Variants in SLC38A10 observed in about 807,000 individuals in gnomAD.
SLC38A10 encodes Sodium-coupled neutral amino acid transporter 10.
A neutral mutation model predicts 81.0 loss-of-function variants in SLC38A10; 53 were observed. The ratio of observed to expected loss-of-function variants is 0.65; its 90% CI spans 0.53 to 0.82. The LOEUF (loss-of-function observed/expected upper bound fraction) is 0.82, where lower values mean the gene tolerates loss of function less well. Among genes scored for constraint, SLC38A10 ranks in the 40% least tolerant of loss-of-function variants. The probability of loss-of-function intolerance (pLI) is 0.00; values close to 1 mark genes in which losing one functional copy is unlikely to be tolerated. For synonymous variants in SLC38A10, 665 were observed against 655.3 expected (o/e 1.01, Z -0.23); for missense variants, 1,471 against 1,545.0 (o/e 0.95, Z 0.80).
In SLC38A10 at chr17:81,253,342, T is replaced by G. The variant is rs2062938039; in HGVS notation, c.1289-102A>C. 7.2e-7 allele frequency: 1 copy of G among 1,392,974 alleles called. No individual in the cohort carries two copies. The highest frequency in any genetic ancestry group is 1.4e-5 in the African/African-American group (1 of 69,110). The allele number at this position is 1,392,974 out of a possible 1,614,324, so 86.3% of individuals were successfully genotyped here. A position where few individuals can be genotyped will look rare whatever the true frequency, so the allele number is the denominator to read the frequency against. ...CATATTTTCCAGCCAAATGGCAGAG[T>G]CAAAGCAGTTTCTTTTTCCTGTTCG... On this transcript the variant is annotated intron_variant, in intron 11 of 15. Transcript: ENST00000374759. This position sits in a 1 kb window ranked among gnomAD's most constrained non-coding sequence, Gnocchi z 4.1.
chr17:81,248,832 T>C (rs562491690), intron 14 of SLC38A10, among the ~76,000 whole-genome samples: 264 of 152,196 alleles, frequency 1.7e-3, no homozygotes, highest in Middle Eastern at 6.8e-3. Flanking sequence ...TCCAAGGAGA[T>C]CAGGGCCATG....
chr17:81,250,129 C>G (rs750903945), intron 14 of SLC38A10: 1 of 1,282,812 alleles, frequency 7.8e-7, no homozygotes, highest in South Asian at 1.3e-5. Context: ...GGAAGAAAGG[C>G]AGAATAGGAA....
chr17:81,266,632 A>G (rs1483710241), intron 10 of SLC38A10, among the ~76,000 whole-genome samples: 3 of 150,854 alleles, frequency 2.0e-5, no homozygotes, highest in Non-Finnish European at 4.4e-5. Context: ...AAAAAAAAAA[A>G]GAAAAAGAAA....
Position 81,294,974 on chromosome 17 carries a change from G to A in SLC38A10, c.-53C>T. 2 of 1,522,404 alleles carry A rather than the reference G, an allele frequency of 1.3e-6. No individual in the cohort carries two copies. The highest frequency in any genetic ancestry group is 1.8e-6 in the Non-Finnish European group (2 of 1,136,912). The allele number at this position is 1,522,404 out of a possible 1,614,324, so 94.3% of individuals were successfully genotyped here. A position where few individuals can be genotyped will look rare whatever the true frequency, so the allele number is the denominator to read the frequency against. ...GAGGCCTCGGGGGTCGCCGGGCTGC[G>A]GCCGGCTTTGGAAGCCCAGCCCGAG... On this transcript the variant is annotated 5_prime_UTR_variant, in exon 1 of 16. Coordinates refer to ENST00000374759, the MANE Select transcript of SLC38A10 (RefSeq NM_001037984.3).
In SLC38A10 at chr17:81,265,801, G is replaced by A. The variant is rs1030432409; in HGVS notation, c.1131+5117C>T. On this transcript the variant is annotated intron_variant, in intron 10 of 15. Coordinates refer to ENST00000374759, the MANE Select transcript of SLC38A10 (RefSeq NM_001037984.3). This position sits in a 1 kb window ranked among gnomAD's most constrained non-coding sequence, Gnocchi z 4.2. ...CCTAAGGAAACAGGGCATGCTGAGC[G>A]GATGGCACACGGTGGTCCGCTGGCC... Among the ~76,000 whole-genome samples the A allele has an allele frequency of 4.6e-5, 7 of 152,248 alleles. No homozygotes were observed. The highest frequency in any genetic ancestry group is 3.8e-4 in the East Asian group (2 of 5,202).
chr17:81,251,053 C>A (rs2062905787), intron 14 of SLC38A10: 1 of 1,442,322 alleles, frequency 6.9e-7, no homozygotes, highest in African/African-American at 1.4e-5. Context: ...CACCCCCAAA[C>A]TGGGTCCCCT....
intron 10 of SLC38A10, among the ~76,000 whole-genome samples, chr17:81,261,499 G>A (rs1598388437): frequency 6.6e-6 from 1 of 152,222 alleles, no homozygotes; most frequent in African/African-American, 2.4e-5. Context: ...AAGGTATGTC[G>A]ATTCTTAAAG....
At chr17:81,287,784 C>A (rs957926980) in intron 2 of SLC38A10, among the ~76,000 whole-genome samples, 9 of 152,222 alleles carry the variant, frequency 5.9e-5, no homozygotes, top group Admixed American at 4.6e-4. Context: ...AATGAATAGA[C>A]AGCTGGCTAT....
rs988831473 is a variant in SLC38A10 at position 81,283,279 on chromosome 17, G to A, written c.357+130C>T. 2.3e-5 allele frequency: 18 copies of A among 795,206 alleles called. No homozygotes were observed. Among genetic ancestry groups the A allele is most frequent in the Non-Finnish European group, 3.3e-5 (16 of 488,828 alleles). 49.3% of individuals were successfully genotyped at this position (795,206 alleles called of 1,614,324 possible). ...GCCCCCGCACTCCACCAAGCCCCTA[G>A]AATGACAGCAGGCTCGACAGAAGCT... On this transcript the variant is annotated intron_variant, in intron 4 of 15. Coordinates refer to ENST00000374759, the MANE Select transcript of SLC38A10 (RefSeq NM_001037984.3). The surrounding 1 kb of genome is among the most constrained non-coding windows in gnomAD (Gnocchi z 4.7).
At chr17:81,259,271 C>T (rs2062999873) in intron 11 of SLC38A10, among the ~76,000 whole-genome samples, 1 of 152,252 alleles carries the variant, frequency 6.6e-6, no homozygotes, top group South Asian at 2.1e-4. Context: ...CCAGCCAGAG[C>T]CGGCACTGCT....
intron 10 of SLC38A10, chr17:81,264,887 C>T (rs1222820783): frequency 6.6e-6 from 1 of 152,208 alleles, no homozygotes; most frequent in Non-Finnish European, 1.5e-5. Context: ...GGCCAGCTTT[C>T]AGGCCTTTCA....
rs550850293 is a variant in SLC38A10 at position 81,276,388 on chromosome 17, CT to C, written c.730-238del. ...CATGCCCATTTCTTTCTTTTTCTTT[CT>C]TTTTTTTTTTTTTTGAGACGGGGTC... is the stretch of plus-strand genomic sequence containing the variant. On this transcript the variant is annotated intron_variant, in intron 7 of 15. Transcript: ENST00000374759. This position sits in a 1 kb window ranked among gnomAD's most constrained non-coding sequence, Gnocchi z 4.7. 2.7e-3 allele frequency among the ~76,000 whole-genome samples: 386 copies of C among 142,412 alleles called. 1 individual carries two copies. The highest frequency in any genetic ancestry group is 7.2e-3 in the South Asian group (32 of 4,452). The allele number at this position is 142,412 out of a possible 152,430, so 93.4% of individuals were successfully genotyped here. A position where few individuals can be genotyped will look rare whatever the true frequency, so the allele number is the denominator to read the frequency against.
At chr17:81,250,886 G>C in intron 14 of SLC38A10, 1 of 1,096,390 alleles carries the variant, frequency 9.1e-7, no homozygotes, top group Non-Finnish European at 1.1e-6. Flanking sequence ...GGAGGATTCA[G>C]AGCAAGTTTT....
At chr17:81,292,191 G>C (rs762771845) in intron 1 of SLC38A10, among the ~76,000 whole-genome samples, 123 of 151,892 alleles carry the variant, frequency 8.1e-4, no homozygotes, top group Admixed American at 1.6e-3. Flanking sequence ...GCAGTGGCGC[G>C]ATCTTGGCTC....
At position 81,246,689 on chromosome 17, in the gene SLC38A10, G is replaced by A. The variant is rs1320687422; in HGVS notation, c.2243-16C>T. The A allele has an allele frequency of 6.7e-7, 1 of 1,501,864 alleles. No individual in the cohort carries two copies. The allele number at this position is 1,501,864 out of a possible 1,614,324, so 93.0% of individuals were successfully genotyped here. On this transcript the variant is annotated splice_polypyrimidine_tract_variant and intron_variant, in intron 15 of 15. Transcript: ENST00000374759. ...TGCACCTCCACTGCAAATGAAGTCGGTCATCAATTTAGCCACAGCACTGTA... is the reference window on the plus strand; with the variant it reads ...TGCACCTCCACTGCAAATGAAGTCGATCATCAATTTAGCCACAGCACTGTA...
intron 11 of SLC38A10, among the ~76,000 whole-genome samples, chr17:81,255,611 C>T (rs539080562): frequency 2.0e-5 from 3 of 152,306 alleles, no homozygotes; most frequent in South Asian, 2.1e-4. Flanking sequence ...GAGGCGGCCA[C>T]GGCCAAGGGG....
At position 81,259,444 on chromosome 17, in the gene SLC38A10, G is replaced by T. The variant is rs147966187; in HGVS notation, c.1288+794C>A. ...AGACCCCAGCGTGAAGGTCATCGTG[G>T]ACAGCACCTACCTGCCCATCCCTGC... On this transcript the variant is annotated intron_variant, in intron 11 of 15. Transcript: ENST00000374759. 4.8e-3 allele frequency among the ~76,000 whole-genome samples: 727 copies of T among 152,318 alleles called. 3 individuals carry two copies. The highest frequency in any genetic ancestry group is 6.8e-3 in the Non-Finnish European group (464 of 68,014).
At chr17:81,254,565 A>G (rs2062955163) in intron 11 of SLC38A10, among the ~76,000 whole-genome samples, 1 of 152,218 alleles carries the variant, frequency 6.6e-6, no homozygotes, top group African/African-American at 2.4e-5. Flanking sequence ...TTCATGCCTC[A>G]GCCTCCTGTA....
At chr17:81,279,657 G>T (rs114271959) in intron 6 of SLC38A10, 1 of 154,800 alleles carries the variant, frequency 6.5e-6, no homozygotes, top group African/African-American at 2.4e-5. Context: ...AACCAGACCC[G>T]AACGAGGTGC....
Sources: gnomAD v4.1 joint callset for allele counts (sites outside exome capture counted in the v4.1 genomes callset) on GRCh38, gnomAD v4.1.1 for gene constraint, Gnocchi (gnomAD v3.1) non-coding constraint, MANE v1.5 for transcripts, NCBI Gene and HGNC (gene_info 2026-07-23, HGNC 2026-07-21) for gene names.